The following TRHDE variants were observed in gnomAD, a reference collection of about 807,000 sequenced individuals.
The protein encoded by TRHDE is thyrotropin releasing hormone degrading enzyme, also known as thyrotropin-releasing hormone-degrading ectoenzyme.
In TRHDE, 72 loss-of-function variants were observed where a neutral mutation model predicts 125.7. The observed-to-expected ratio is 0.57, with a 90% CI of 0.47 to 0.70. The LOEUF (loss-of-function observed/expected upper bound fraction) is 0.70. Among genes scored for constraint, TRHDE ranks in the 30% least tolerant of loss-of-function variants. The pLI is 0.00. For synonymous variants in TRHDE, 509 were observed against 509.1 expected (o/e 1.00, Z 0.00); for missense variants, 1,110 against 1,327.1 (o/e 0.84, Z 2.54).
chr12:72,454,490 G>C (rs1191643119), intron 3 of TRHDE, among the ~76,000 whole-genome samples: 1 of 152,094 alleles, frequency 6.6e-6, no homozygotes, highest in Non-Finnish European at 1.5e-5. Flanking sequence ...CCCTGTTCAT[G>C]GACCTTGATA....
At chr12:72,170,805 C>T (rs1876856112) in intron 2 of TRHDE, among the ~76,000 whole-genome samples, 1 of 152,018 alleles carries the variant, frequency 6.6e-6, no homozygotes, top group Non-Finnish European at 1.5e-5. Context: ...ATATGTGTGC[C>T]CATCTCCACA....
chr12:72,211,229 A>G (rs1475511639), intron 2 of TRHDE, among the ~76,000 whole-genome samples: 3 of 152,196 alleles, frequency 2.0e-5, no homozygotes, highest in East Asian at 3.9e-4. Flanking sequence ...CACCATTCCC[A>G]GCTCTGTTGC....
At chr12:72,493,035 A>T (rs983990634) in intron 5 of TRHDE, among the ~76,000 whole-genome samples, 9 of 151,930 alleles carry the variant, frequency 5.9e-5, no homozygotes, top group African/African-American at 1.9e-4. Context: ...TTGTGTCTCA[A>T]TTATGTCTCC....
intron 2 of TRHDE, among the ~76,000 whole-genome samples, chr12:72,183,884 A>T (rs932319090): frequency 0.01 from 1,575 of 152,328 alleles, 19 homozygotes; most frequent in Admixed American, 0.019. Flanking sequence ...GGCTGATAAA[A>T]TATATATTTC....
intron 6 of TRHDE, among the ~76,000 whole-genome samples, chr12:72,514,826 C>T (rs1436008604): frequency 4.7e-5 from 6 of 128,098 alleles, no homozygotes; most frequent in Admixed American, 8.6e-5. Flanking sequence ...TGTGATGTTC[C>T]CCTTCCTGTG....
chr12:72,219,822 A>G (rs1032924190), intron 2 of TRHDE, among the ~76,000 whole-genome samples: 3 of 152,236 alleles, frequency 2.0e-5, no homozygotes, highest in Non-Finnish European at 4.4e-5. Flanking sequence ...GAATGTAAAT[A>G]TAAATAGAAC....
intron 2 of TRHDE, among the ~76,000 whole-genome samples, chr12:72,292,865 C>A (rs1240758590): frequency 6.6e-6 from 1 of 152,056 alleles, no homozygotes; most frequent in Non-Finnish European, 1.5e-5. Context: ...AATGTAGCAA[C>A]AAAAAGTAAC....
At chr12:72,583,573 C>T (rs528641149) in intron 12 of TRHDE, among the ~76,000 whole-genome samples, 5 of 152,292 alleles carry the variant, frequency 3.3e-5, no homozygotes, top group Non-Finnish European at 7.4e-5. Context: ...GTTTATGCAA[C>T]ACTTTGCCAC....
chr12:72,121,482 C>T (rs117285240), intron 2 of TRHDE, among the ~76,000 whole-genome samples: 1,732 of 152,220 alleles, frequency 0.011, 21 homozygotes, highest in Non-Finnish European at 0.016. Flanking sequence ...GTGTTGCTTT[C>T]CATTGTTACA....
intron 12 of TRHDE, among the ~76,000 whole-genome samples, 172 bp from the exon 13 acceptor site, chr12:72,618,719 G>A (rs1316361873): frequency 6.6e-6 from 1 of 152,110 alleles, no homozygotes; most frequent in African/African-American, 2.4e-5. Flanking sequence ...ATATTAAGGT[G>A]GCACTGGCAT....
At chr12:72,439,010 A>G (rs1214712848) in intron 3 of TRHDE, among the ~76,000 whole-genome samples, 1 of 151,698 alleles carries the variant, frequency 6.6e-6, no homozygotes, top group Non-Finnish European at 1.5e-5. Flanking sequence ...TTATTTTTTC[A>G]CATGTGAATA....
chr12:72,509,336 C>G (rs181400739), intron 6 of TRHDE, among the ~76,000 whole-genome samples: 16 of 151,924 alleles, frequency 1.1e-4, no homozygotes, highest in Admixed American at 8.5e-4. Flanking sequence ...CCTTCCTGAT[C>G]TCTACTCATT....
At chr12:72,213,310 G>C (rs1877821805) in intron 2 of TRHDE, among the ~76,000 whole-genome samples, 1 of 152,034 alleles carries the variant, frequency 6.6e-6, no homozygotes, top group African/African-American at 2.4e-5. Context: ...TAAAAACATT[G>C]AAGTGTACAC....
At chr12:72,277,210 T>C (rs1879519560) in intron 1 of TRHDE, among the ~76,000 whole-genome samples, 3 of 152,140 alleles carry the variant, frequency 2.0e-5, no homozygotes, top group Non-Finnish European at 4.4e-5. Context: ...AAAATAATAG[T>C]GGTAGTTCTC....
At chr12:72,090,859 A>ATTT (rs879731128) in intron 1 of TRHDE, among the ~76,000 whole-genome samples, 1 of 142,558 alleles carries the variant, frequency 7.0e-6, no homozygotes, top group Non-Finnish European at 1.5e-5. Context: ...TTTCCCTTGG[A>ATTT]TTTTTTTTTT....
intron 3 of TRHDE, among the ~76,000 whole-genome samples, chr12:72,447,164 G>A (rs1004197340): frequency 2.0e-5 from 3 of 151,984 alleles, no homozygotes; most frequent in East Asian, 1.9e-4. Context: ...ATAACAAACT[G>A]TCTCTCAGAC....
chr12:72,473,561 C>T (rs1876749160), intron 5 of TRHDE, among the ~76,000 whole-genome samples: 1 of 151,448 alleles, frequency 6.6e-6, no homozygotes, highest in Non-Finnish European at 1.5e-5. Context: ...TGAGATAAAA[C>T]ACAAAAAATA....
At chr12:72,569,265 T>C (rs1157146871) in intron 10 of TRHDE, among the ~76,000 whole-genome samples, 2 of 152,230 alleles carry the variant, frequency 1.3e-5, no homozygotes, top group Non-Finnish European at 2.9e-5. Context: ...GAATCCAAAC[T>C]ATAGCCTTCA....
chr12:72,158,683 A>G (rs1876571620), intron 2 of TRHDE, among the ~76,000 whole-genome samples: 1 of 152,176 alleles, frequency 6.6e-6, no homozygotes, highest in African/African-American at 2.4e-5. Flanking sequence ...TATGTAACCC[A>G]GATGTCAGGT....
Sources: gnomAD v4.1 joint callset for allele counts (sites outside exome capture counted in the v4.1 genomes callset) on GRCh38, gnomAD v4.1.1 for gene constraint, MANE v1.5 for transcripts, NCBI Gene and HGNC (gene_info 2026-07-23, HGNC 2026-07-21) for gene names.